SETBP1: variants seen among roughly 807,000 people sequenced by gnomAD.
The protein encoded by SETBP1 is SET binding protein 1, also known as SET-binding protein.
Under a neutral mutation model 101.0 loss-of-function variants are expected in SETBP1, and 9 were observed. The ratio of observed to expected loss-of-function variants is 0.09; its 90% CI spans 0.05 to 0.16. The LOEUF (loss-of-function observed/expected upper bound fraction) is 0.16, where lower values mean the gene tolerates loss of function less well. Ranked by LOEUF, SETBP1 falls within the 10% of genes least tolerant of loss-of-function variation. The probability of loss-of-function intolerance (pLI) is 1.00; values close to 1 mark genes in which losing one functional copy is unlikely to be tolerated. For missense variants in SETBP1, 1,858 were observed against 2,033.8 expected, an observed-to-expected ratio of 0.91 and a Z score of 1.66; for synonymous variants, 818 against 788.5, an observed-to-expected ratio of 1.04 and a Z score of -0.63.
chr18:44,803,296 A>C (rs2071647264), intron 2 of SETBP1, among the ~76,000 whole-genome samples: 1 of 152,170 alleles, frequency 6.6e-6, no homozygotes, highest in Non-Finnish European at 1.5e-5. Context: ...GTGAAGGCCC[A>C]GGCCCTTGGC....
chr18:44,931,258 T>A (rs1179755918), intron 3 of SETBP1, among the ~76,000 whole-genome samples: 2 of 152,176 alleles, frequency 1.3e-5, no homozygotes, highest in Non-Finnish European at 2.9e-5. Flanking sequence ...TTTGAGTGAG[T>A]TTCTTAATCC....
intron 2 of SETBP1, among the ~76,000 whole-genome samples, chr18:44,849,377 G>A (rs1412740559): frequency 6.6e-6 from 1 of 152,120 alleles, no homozygotes; most frequent in Non-Finnish European, 1.5e-5. Flanking sequence ...TCACTAACTA[G>A]CCTTACAATC....
At chr18:44,715,237 C>G (rs1441608356) in intron 2 of SETBP1, among the ~76,000 whole-genome samples, 1 of 152,226 alleles carries the variant, frequency 6.6e-6, no homozygotes, top group African/African-American at 2.4e-5. Flanking sequence ...GCAGCTTCAT[C>G]CTGGAGACCC....
chr18:44,876,959 C>T, intron 3 of SETBP1: 2 of 1,268,342 alleles, frequency 1.6e-6, no homozygotes, highest in Non-Finnish European at 2.0e-6. Context: ...AGAGATAATG[C>T]ATTAGGCGGC....
chr18:44,785,923 T>G (rs1193583947), intron 2 of SETBP1, among the ~76,000 whole-genome samples: 3 of 152,236 alleles, frequency 2.0e-5, no homozygotes, highest in Admixed American at 1.3e-4. Context: ...CATTATCTTA[T>G]GCAAGTAAGC....
Position 44,953,184 on chromosome 18 carries a change from A to G in SETBP1, c.3844A>G (p.Ser1282Gly). 1.9e-6 allele frequency: 3 copies of G among 1,614,148 alleles called. No homozygotes were observed. Among genetic ancestry groups the G allele is most frequent in the South Asian group, 1.1e-5 (1 of 91,082 alleles). The change falls in exon 4 of 6, where the codon AGT (serine) becomes GGT (glycine). Residue 1282 changes from serine (S) to glycine (G), a missense_variant. Physicochemically the swap from Ser to Gly is moderately conservative, Grantham distance 56. Around this residue, in one of 12 missense-constraint regions of SETBP1, gnomAD observed 417 missense variants for 389.1 expected, o/e 1.07. Coordinates refer to ENST00000649279, the MANE Select transcript of SETBP1 (RefSeq NM_015559.3). ...STRSENLDVF[S>G]EMNPSNDKWD... ...GAGATCAGAGAACCTGGACGTGTTC[A>G]GTGAAATGAACCCTTCGAATGACAA...
rs528579235 is a variant in SETBP1 at position 44,803,610 on chromosome 18, T to G, written c.487-65620T>G. ...TTCCTGTTCTTCCCCTCTCCATACTTTAGGTCTCACTTCCTCAATAGTGAA... is the reference window on the plus strand; with the variant it reads ...TTCCTGTTCTTCCCCTCTCCATACTGTAGGTCTCACTTCCTCAATAGTGAA... On this transcript the variant is annotated intron_variant, in intron 2 of 5. Coordinates refer to ENST00000649279, the MANE Select transcript of SETBP1 (RefSeq NM_015559.3). 2.6e-5 allele frequency among the ~76,000 whole-genome samples: 4 copies of G among 152,300 alleles called. No individual in the cohort carries two copies. In the East Asian group the frequency reaches 7.7e-4, roughly 29 times the overall value.
At chr18:45,011,679 C>G (rs952247555) in intron 4 of SETBP1, among the ~76,000 whole-genome samples, 1 of 152,164 alleles carries the variant, frequency 6.6e-6, no homozygotes, top group Non-Finnish European at 1.5e-5. Context: ...ATGTGAGTTC[C>G]AATAGTCTTC....
At chr18:44,724,386 C>T (rs1342137869) in intron 2 of SETBP1, among the ~76,000 whole-genome samples, 1 of 151,986 alleles carries the variant, frequency 6.6e-6, no homozygotes, top group Non-Finnish European at 1.5e-5. Flanking sequence ...CAGTGACATG[C>T]CCATTTAAGG....
At chr18:44,888,778 G>A (rs2069705224) in intron 3 of SETBP1, among the ~76,000 whole-genome samples, 1 of 152,092 alleles carries the variant, frequency 6.6e-6, no homozygotes, top group Non-Finnish European at 1.5e-5. Flanking sequence ...AAGAAAAAGT[G>A]CAAAGAGGGC....
intron 4 of SETBP1, among the ~76,000 whole-genome samples, chr18:45,018,653 C>T (rs1437866087): frequency 6.6e-6 from 1 of 152,214 alleles, no homozygotes; most frequent in African/African-American, 2.4e-5. Flanking sequence ...ATTGAAGCCT[C>T]ACAACAAATT....
At chr18:44,798,840 C>T (rs115520640) in intron 2 of SETBP1, among the ~76,000 whole-genome samples, 186 of 152,290 alleles carry the variant, frequency 1.2e-3, no homozygotes, top group African/African-American at 4.3e-3. Flanking sequence ...TATCTTGGAG[C>T]CTGAGACCTG....
rs572289085 is a variant in SETBP1, at chr18:44,799,596, G to A, written c.487-69634G>A. Among the ~76,000 whole-genome samples, 142 of 150,972 alleles carry A rather than the reference G, an allele frequency of 9.4e-4. 1 individual carries two copies. The highest frequency in any genetic ancestry group is 3.4e-3 in the Middle Eastern group (1 of 294). ...GCAGCATCACAGGGATAGTAATATCGCAGATGAACCATGATCACACTAGGC... is the reference window on the plus strand; with the variant it reads ...GCAGCATCACAGGGATAGTAATATCACAGATGAACCATGATCACACTAGGC... On this transcript the variant is annotated intron_variant, in intron 2 of 5. Transcript: ENST00000649279.
intron 5 of SETBP1, among the ~76,000 whole-genome samples, chr18:45,059,085 T>C (rs1325409728): frequency 1.3e-5 from 2 of 152,224 alleles, no homozygotes; most frequent in Non-Finnish European, 2.9e-5. Context: ...CATTGTGTTA[T>C]CAAAAATGTC....
chr18:45,008,082 A>T (rs79116377), intron 4 of SETBP1, among the ~76,000 whole-genome samples: 1 of 152,098 alleles, frequency 6.6e-6, no homozygotes, highest in South Asian at 2.1e-4. Flanking sequence ...GCCCTCCAGT[A>T]TATGCTAATG....
intron 4 of SETBP1, among the ~76,000 whole-genome samples, chr18:45,023,859 G>T (rs1206308186): frequency 2.6e-5 from 4 of 152,154 alleles, no homozygotes; most frequent in African/African-American, 9.7e-5. Flanking sequence ...AGCCCTCTGA[G>T]GTAGGAGGTT....
intron 3 of SETBP1, among the ~76,000 whole-genome samples, chr18:44,937,509 A>G (rs2070990568): frequency 1.3e-5 from 2 of 151,770 alleles, no homozygotes; most frequent in South Asian, 2.1e-4. Flanking sequence ...TAGACAAGGA[A>G]GCTCAGGTGT....
At chr18:44,991,801 C>T (rs988397778) in intron 4 of SETBP1, among the ~76,000 whole-genome samples, 2 of 152,064 alleles carry the variant, frequency 1.3e-5, no homozygotes, top group African/African-American at 4.8e-5. Flanking sequence ...TTGTAATAAA[C>T]ACGCATAAGT....
At chr18:44,957,915 T>G (rs1043806712) in intron 4 of SETBP1, among the ~76,000 whole-genome samples, 2 of 152,202 alleles carry the variant, frequency 1.3e-5, no homozygotes, top group Non-Finnish European at 2.9e-5. Flanking sequence ...CTTTTTAACC[T>G]TATTCCAAGT....
Sources: allele counts gnomAD v4.1 joint callset (sites outside exome capture counted in the v4.1 genomes callset), GRCh38; gene constraint gnomAD v4.1.1; regional missense constraint gnomAD v4.1.1; transcripts MANE v1.5; gene names NCBI Gene and HGNC (gene_info 2026-07-23, HGNC 2026-07-21).